Variants in GTF2H3 observed in about 807,000 individuals in gnomAD.
The protein encoded by GTF2H3 is general transcription factor IIH subunit 3.
In GTF2H3, 42 loss-of-function variants were observed where a neutral mutation model predicts 51.1. That is an observed-to-expected ratio of 0.82 (90% CI 0.64 to 1.06). GTF2H3 has a LOEUF of 1.06. GTF2H3 is among the 50% of genes least tolerant of loss of function. The pLI, the probability that GTF2H3 is intolerant of heterozygous loss-of-function variation, is 0.00. For synonymous variants in GTF2H3, 123 were observed against 123.8 expected (o/e 0.99, Z 0.04); for missense variants, 326 against 366.1 (o/e 0.89, Z 0.89).
rs1048265855 is a variant in GTF2H3 at position 123,661,768 on chromosome 12, A to G, written c.*1533A>G. On this transcript the variant is annotated 3_prime_UTR_variant, in exon 13 of 13. Transcript: ENST00000543341. ...TCTGTTTTGTTTTGTTTTGTGAGACAGAGTCTCGCTCTGTTGCCCAGGCTG... is the reference window on the plus strand; with the variant it reads ...TCTGTTTTGTTTTGTTTTGTGAGACGGAGTCTCGCTCTGTTGCCCAGGCTG... 7 of 152,248 alleles carry G rather than the reference A, an allele frequency of 4.6e-5. No homozygotes were observed. Among genetic ancestry groups the G allele is most frequent in the African/African-American group, 1.2e-4 (5 of 41,318 alleles). The allele number at this position is 152,248 out of a possible 1,614,324, so 9.4% of individuals were successfully genotyped here.
intron 8 of GTF2H3, among the ~76,000 whole-genome samples, chr12:123,655,281 C>T (rs1304728108): frequency 6.6e-6 from 1 of 152,188 alleles, no homozygotes; most frequent in African/African-American, 2.4e-5. Context: ...CCAAGAATCC[C>T]TGGTTTGACA....
chr12:123,656,050 T>G, intron 9 of GTF2H3: 1 of 397,884 alleles, frequency 2.5e-6, no homozygotes, highest in South Asian at 6.4e-5. Context: ...AGACAAAAAC[T>G]GAATTTTACT....
In GTF2H3 at chr12:123,648,019, G is replaced by T. The variant is rs762437293; in HGVS notation, c.257G>T (p.Gly86Val). ...CTTGGAGACTTCTTCGGAGACCCTG[G>T]CAACCCTCCTGAATTTAATCCCTCT... Reference protein sequence around the residue: ...GRLGDFFGDPGNPPEFNPSGS... With the variant: ...GRLGDFFGDPVNPPEFNPSGS... The change falls in exon 4 of 13, where the codon GGC (glycine) becomes GTC (valine). Residue 86 changes from glycine to valine, a missense_variant. Physicochemically the swap from Gly to Val is moderately radical, Grantham distance 109. Coordinates refer to ENST00000543341, the MANE Select transcript of GTF2H3 (RefSeq NM_001516.5). 1 of 1,612,748 alleles carries T rather than the reference G, an allele frequency of 6.2e-7. No individual in the cohort carries two copies.
chr12:123,650,864 A>G (rs1955511171), intron 4 of GTF2H3, 130 bp from the exon 5 acceptor site: 1 of 626,390 alleles, frequency 1.6e-6, no homozygotes, highest in Non-Finnish European at 2.9e-6. Flanking sequence ...TAGTTTGAAA[A>G]TGTCTTGTTT....
intron 1 of GTF2H3, among the ~76,000 whole-genome samples, chr12:123,634,914 T>A (rs1322779213): frequency 1.3e-5 from 2 of 152,246 alleles, no homozygotes; most frequent in Non-Finnish European, 2.9e-5. Flanking sequence ...CAGAAAGTGT[T>A]ATGATCTGGT....
chr12:123,643,985 C>T (rs1464477854), intron 2 of GTF2H3, among the ~76,000 whole-genome samples: 1 of 152,116 alleles, frequency 6.6e-6, no homozygotes. Flanking sequence ...CACGTGCCAA[C>T]ACGCCCAGCT....
At chr12:123,641,537 T>TG (rs1202346836) in intron 2 of GTF2H3, among the ~76,000 whole-genome samples, 3 of 143,732 alleles carry the variant, frequency 2.1e-5, no homozygotes, top group African/African-American at 5.7e-5. Flanking sequence ...GTTTTTTTTT[T>TG]TGTGTGTTTT....
intron 7 of GTF2H3, among the ~76,000 whole-genome samples, chr12:123,653,326 A>G (rs1401409976): frequency 6.6e-6 from 1 of 151,822 alleles, no homozygotes; most frequent in Non-Finnish European, 1.5e-5. Context: ...TCAGAATATC[A>G]GGGAGGTTTT....
chr12:123,647,727 G>A (rs1459917450), intron 3 of GTF2H3, among the ~76,000 whole-genome samples: 1 of 152,086 alleles, frequency 6.6e-6, no homozygotes, highest in Non-Finnish European at 1.5e-5. Flanking sequence ...AACATTCTGT[G>A]GTGATAGACA....
intron 2 of GTF2H3, among the ~76,000 whole-genome samples, chr12:123,640,292 A>G (rs908549735): frequency 6.7e-6 from 1 of 149,390 alleles, no homozygotes; most frequent in Non-Finnish European, 1.5e-5. Context: ...GATTTTTTTC[A>G]TGTAAATGGA....
intron 2 of GTF2H3, among the ~76,000 whole-genome samples, chr12:123,640,934 T>C (rs7305096): frequency 0.064 from 9,791 of 152,232 alleles, 1,034 homozygotes; most frequent in African/African-American, 0.22. Context: ...TTCTGGAGAA[T>C]GTTGCATGTC....
At chr12:123,651,445 A>C (rs528780262) in intron 5 of GTF2H3, among the ~76,000 whole-genome samples, 2 of 152,144 alleles carry the variant, frequency 1.3e-5, no homozygotes, top group South Asian at 4.2e-4. Flanking sequence ...TCCTGACTTC[A>C]AGTGATCCAC....
At position 123,660,255 on chromosome 12, in the gene GTF2H3, T is replaced by C; in HGVS notation, c.*20T>C. Reference sequence around the variant, plus strand: ...GCCTGAGGATAAAATATTTTCCCCATCTTTTAGAGCTGTTAATAGAAATTA... The same window carrying C: ...GCCTGAGGATAAAATATTTTCCCCACCTTTTAGAGCTGTTAATAGAAATTA... On this transcript the variant is annotated 3_prime_UTR_variant, in exon 13 of 13. Transcript: ENST00000543341. The C allele has an allele frequency of 6.4e-7, 1 of 1,564,458 alleles. No homozygotes were observed. The highest frequency in any genetic ancestry group is 8.7e-7 in the Non-Finnish European group (1 of 1,143,774).
intron 2 of GTF2H3, among the ~76,000 whole-genome samples, chr12:123,642,209 C>T (rs985803415): frequency 7.5e-5 from 11 of 146,972 alleles, no homozygotes; most frequent in African/African-American, 2.0e-4. Context: ...CTAGTTTTGT[C>T]GCCCAGGCTG....
chr12:123,644,835 A>G (rs1212371884), intron 2 of GTF2H3, among the ~76,000 whole-genome samples: 1 of 152,112 alleles, frequency 6.6e-6, no homozygotes. Flanking sequence ...TTCATTATCT[A>G]CTCCACATAT....
chr12:123,657,098 GT>G (rs537617254), intron 9 of GTF2H3, among the ~76,000 whole-genome samples: 36 of 151,986 alleles, frequency 2.4e-4, no homozygotes, highest in Non-Finnish European at 3.1e-4. Context: ...AAATGTGAAA[GT>G]TGGTTCTCAG....
Position 123,638,371 on chromosome 12 carries a change from A to G in GTF2H3, c.14-893A>G, listed in dbSNP as rs369949498. Among the ~76,000 whole-genome samples the G allele has an allele frequency of 5.3e-5, 8 of 150,622 alleles. No homozygotes were observed. The East Asian group carries it at 7.8e-4, about 15-fold the overall frequency. On this transcript the variant is annotated intron_variant, in intron 1 of 12. Coordinates refer to ENST00000543341, the MANE Select transcript of GTF2H3 (RefSeq NM_001516.5). Reference sequence around the variant, plus strand: ...TTTAGTAGAGATGGGGTGGCTCAACATGTTGGCCGGGCTGGTCTTGAACTT... The same window carrying G: ...TTTAGTAGAGATGGGGTGGCTCAACGTGTTGGCCGGGCTGGTCTTGAACTT...
chr12:123,642,110 T>G (rs1471569344), intron 2 of GTF2H3, among the ~76,000 whole-genome samples: 1 of 151,934 alleles, frequency 6.6e-6, no homozygotes, highest in African/African-American at 2.4e-5. Context: ...CGCCTCGGCC[T>G]CCCAAAGTGC....
chr12:123,639,986 G>A (rs1233564956), intron 2 of GTF2H3: 1 of 455,878 alleles, frequency 2.2e-6, no homozygotes, highest in Admixed American at 2.3e-5. Flanking sequence ...AGCCTCCCGA[G>A]TACTTGGGAC....
Sources: gnomAD v4.1 joint callset for allele counts (sites outside exome capture counted in the v4.1 genomes callset) on GRCh38, gnomAD v4.1.1 for gene constraint, MANE v1.5 for transcripts, NCBI Gene and HGNC (gene_info 2026-07-23, HGNC 2026-07-21) for gene names.